Variants in PLK4 observed in about 807,000 individuals in gnomAD.
PLK4 encodes the protein polo like kinase 4.
PLK4 carries 51 observed loss-of-function variants against 103.0 expected under a neutral mutation model. The ratio of observed to expected loss-of-function variants is 0.50; its 90% CI spans 0.40 to 0.63. The LOEUF is 0.63. PLK4 is among the 20% of genes least tolerant of loss of function. PLK4 has a pLI of 0.00. For missense variants in PLK4, 1,054 were observed against 1,151.0 expected (o/e 0.92, Z 1.22); for synonymous variants, 389 against 376.8 (o/e 1.03, Z -0.38).
intron 6 of PLK4, among the ~76,000 whole-genome samples, chr4:127,889,563 A>C (rs909104969): frequency 3.3e-5 from 5 of 152,202 alleles, no homozygotes; most frequent in African/African-American, 1.2e-4. Context: ...CTTTAGGATT[A>C]ATAGGTGACC....
intron 4 of PLK4, 145 bp from the exon 5 acceptor site, chr4:127,885,563 T>G: frequency 3.2e-6 from 2 of 627,892 alleles, no homozygotes; most frequent in Non-Finnish European, 5.6e-6. Flanking sequence ...GTAATTGAAG[T>G]GGCTGGTAAA....
Position 127,895,070 on chromosome 4 carries a change from A to G in PLK4, c.2680A>G (p.Lys894Glu). 6.2e-7 allele frequency: 1 copy of G among 1,611,792 alleles called. No individual in the cohort carries two copies. Among genetic ancestry groups the G allele is most frequent in the South Asian group, 1.1e-5 (1 of 90,724 alleles). ...ACAACTTTTGAAATCTGTTTTTGTG[A>G]AAAATGTTGGTTGGGCTACACAGGT... ...SAQLLKSVFV[K>E]NVGWATQLTS... Residue 894 changes from lysine (K) to glutamate (E), a missense_variant, in exon 14 of 16, where the codon AAA becomes GAA. Physicochemically the swap from Lys to Glu is moderately conservative, Grantham distance 56 (BLOSUM62 1). Coordinates refer to ENST00000270861, the MANE Select transcript of PLK4 (RefSeq NM_014264.5).
At chr4:127,886,824 G>T (rs1456781247) in intron 5 of PLK4, 96 bp downstream of exon 5, 4 of 678,624 alleles carry the variant, frequency 5.9e-6, no homozygotes, top group South Asian at 2.5e-5. Context: ...CCAGGGAAAT[G>T]AATGTCTAAA....
chr4:127,881,155 G>C lies in PLK4; in HGVS notation c.21G>C (p.Glu7Asp), dbSNP rs767505807. ...GAAATATGGCGACCTGCATCGGGGA[G>C]AAGATCGAGGTGAAAAGACTCGGCA... MATCIGEKIEDFKVGNL... is the reference protein window; with the variant it reads MATCIGDKIEDFKVGNL... Residue 7 changes from glutamate to aspartate, a missense_variant, in exon 1 of 16, where the codon GAG becomes GAC. This residue lies in a region of PLK4 where 199 missense variants were observed against 270.1 expected (regional missense o/e 0.74). Coordinates refer to ENST00000270861, the MANE Select transcript of PLK4 (RefSeq NM_014264.5). 6.2e-7 allele frequency: 1 copy of C among 1,614,022 alleles called. No individual in the cohort carries two copies. The highest frequency in any genetic ancestry group is 1.1e-5 in the South Asian group (1 of 91,088).
chr4:127,898,393 A>C (rs1735656587), intron 15 of PLK4, 46 bp from the exon 16 acceptor site: 1 of 883,642 alleles, frequency 1.1e-6, no homozygotes. Context: ...ATGAGAACCA[A>C]GTAATTCAGT....
chr4:127,895,448 C>CCTTTTTT (rs1735526561), intron 14 of PLK4, among the ~76,000 whole-genome samples: 1 of 75,282 alleles, frequency 1.3e-5, no homozygotes, highest in Non-Finnish European at 2.5e-5. Flanking sequence ...AGTAGAGTAA[C>CCTTTTTT]TTTCTTTTTT....
chr4:127,893,623 T>TA lies in PLK4; in HGVS notation c.2414+22dup. ...TAGGAAGGTAAATGTCTGAAAATTT[T>TA]AAACATATGGCTAAAATGTTTTAAA... On this transcript the variant is annotated intron_variant, in intron 12 of 15. Transcript: ENST00000270861. The TA allele has an allele frequency of 6.3e-7, 1 of 1,591,822 alleles. No homozygotes were observed. The highest frequency in any genetic ancestry group is 1.1e-5 in the South Asian group (1 of 88,098).
At chr4:127,898,125 C>T (rs1286087737) in intron 15 of PLK4, among the ~76,000 whole-genome samples, 2 of 152,144 alleles carry the variant, frequency 1.3e-5, no homozygotes, top group East Asian at 1.9e-4. Flanking sequence ...CATTAACCAC[C>T]GCGCCTGTCC....
chr4:127,883,485 A>G lies in PLK4; in HGVS notation c.269A>G (p.Glu90Gly), dbSNP rs1429799907. ...EDSNYVYLVLEMCHNGEMNRY... is the reference protein window; with the variant it reads ...EDSNYVYLVLGMCHNGEMNRY... ...AGCAATTATGTGTATCTGGTATTAG[A>G]AATGTGCCATAATGGAGAAATGAAC... The change falls in exon 4 of 16, where the codon GAA becomes GGA. Residue 90 changes from glutamate (E) to glycine (G), a missense_variant. Coordinates refer to ENST00000270861, the MANE Select transcript of PLK4 (RefSeq NM_014264.5). 6.4e-7 allele frequency: 1 copy of G among 1,552,058 alleles called. No individual in the cohort carries two copies. Among genetic ancestry groups the G allele is most frequent in the East Asian group, 2.2e-5 (1 of 44,460 alleles).
rs773168490 is a variant in PLK4 at position 127,883,274 on chromosome 4, G to A, written c.139G>A (p.Ala47Thr). Reference protein sequence around the residue: ...EVAIKMIDKKAMYKAGMVQRV... With the variant: ...EVAIKMIDKKTMYKAGMVQRV... ...CTGTTATTTTTAGATAGATAAGAAAGCCATGTACAAAGCAGGAATGGTACA... is the reference window on the plus strand; with the variant it reads ...CTGTTATTTTTAGATAGATAAGAAAACCATGTACAAAGCAGGAATGGTACA... Residue 47 changes from alanine to threonine, a missense_variant, in exon 3 of 16, where the codon GCC becomes ACC. By Grantham distance (58) the Ala-to-Thr change is moderately conservative (BLOSUM62 0). Around this residue, in one of 4 missense-constraint regions of PLK4, gnomAD observed 199 missense variants for 270.1 expected, o/e 0.74. Transcript: ENST00000270861. 2 of 1,559,982 alleles carry A rather than the reference G, an allele frequency of 1.3e-6. No homozygotes were observed. Among genetic ancestry groups the A allele is most frequent in the East Asian group, 4.5e-5 (2 of 44,504 alleles).
At chr4:127,887,814 G>A (rs1232001399) in intron 6 of PLK4, among the ~76,000 whole-genome samples, 6 of 146,742 alleles carry the variant, frequency 4.1e-5, no homozygotes, top group South Asian at 2.2e-4. Flanking sequence ...GTTCAAGGCC[G>A]CAGTGAGCTA....
Position 127,885,725 on chromosome 4 carries a change from C to G in PLK4, c.355C>G (p.Gln119Glu). Reference protein sequence around the residue: ...SENEARHFMHQIITGMLYLHS... With the variant: ...SENEARHFMHEIITGMLYLHS... ...CCTAACAGCTCGACACTTCATGCACCAGATCATCACAGGGATGTTGTATCT... is the reference window on the plus strand; with the variant it reads ...CCTAACAGCTCGACACTTCATGCACGAGATCATCACAGGGATGTTGTATCT... The change falls in exon 5 of 16, where the codon CAG becomes GAG. Residue 119 changes from glutamine to glutamate, a missense_variant. By Grantham distance (29) the Gln-to-Glu change is conservative. This residue lies in a region of PLK4 where 199 missense variants were observed against 270.1 expected (regional missense o/e 0.74). Coordinates refer to ENST00000270861, the MANE Select transcript of PLK4 (RefSeq NM_014264.5). 5 of 1,609,852 alleles carry G rather than the reference C, an allele frequency of 3.1e-6. No individual in the cohort carries two copies. Among genetic ancestry groups the G allele is most frequent in the Non-Finnish European group, 4.2e-6 (5 of 1,177,808 alleles).
chr4:127,881,959 C>A, intron 2 of PLK4, 33 bp downstream of exon 2: 2 of 1,153,402 alleles, frequency 1.7e-6, no homozygotes, highest in Non-Finnish European at 2.6e-6. Flanking sequence ...CTCTCCTGTA[C>A]TTTGCAAGTA....
intron 2 of PLK4, among the ~76,000 whole-genome samples, chr4:127,882,634 C>CT (rs1734972855): frequency 6.6e-6 from 1 of 152,136 alleles, no homozygotes; most frequent in African/African-American, 2.4e-5. Context: ...TGCTGCACAC[C>CT]TGTAATCCCA....
intron 14 of PLK4, among the ~76,000 whole-genome samples, chr4:127,895,448 C>CTTT (rs1450219933): frequency 4.0e-5 from 3 of 75,278 alleles, no homozygotes; most frequent in African/African-American, 6.1e-5. Flanking sequence ...AGTAGAGTAA[C>CTTT]TTTCTTTTTT....
At chr4:127,895,587 A>G (rs1282391525) in intron 14 of PLK4, among the ~76,000 whole-genome samples, 1 of 149,414 alleles carries the variant, frequency 6.7e-6, no homozygotes, top group Non-Finnish European at 1.5e-5. Flanking sequence ...AAGCCGGGCT[A>G]ATTTTTTCTA....
rs1735010467 is a variant in PLK4, at chr4:127,883,536, C to A, written c.320C>A (p.Pro107His). Residue 107 changes from proline (P) to histidine (H), a missense_variant, in exon 4 of 16, where the codon CCC becomes CAC. This residue lies in a region of PLK4 where 199 missense variants were observed against 270.1 expected (regional missense o/e 0.74). Coordinates refer to ENST00000270861, the MANE Select transcript of PLK4 (RefSeq NM_014264.5). ...MNRYLKNRVK[P>H]FSENEARHFM... ...AGGTATCTAAAGAATAGAGTGAAAC[C>A]CTTCTCAGAAAATGAAGGTAGGTGT... 3.4e-6 allele frequency: 5 copies of A among 1,487,666 alleles called. No individual in the cohort carries two copies. Among genetic ancestry groups the A allele is most frequent in the Non-Finnish European group, 4.7e-6 (5 of 1,072,804 alleles). The allele number at this position is 1,487,666 out of a possible 1,614,324, so 92.2% of individuals were successfully genotyped here.
intron 1 of PLK4, chr4:127,881,461 C>A: frequency 8.5e-7 from 1 of 1,173,600 alleles, no homozygotes; most frequent in Non-Finnish European, 1.1e-6. Context: ...CAGGGCAGGG[C>A]TACCTCCCAC....
At chr4:127,894,871 A>T in intron 13 of PLK4, 82 bp from the exon 14 acceptor site, 2 of 892,536 alleles carry the variant, frequency 2.2e-6, no homozygotes, top group Non-Finnish European at 3.2e-6. Flanking sequence ...CTAATGAAAA[A>T]TCTCATAATT....
Sources: allele counts gnomAD v4.1 joint callset (sites outside exome capture counted in the v4.1 genomes callset), GRCh38; gene constraint gnomAD v4.1.1; regional missense constraint gnomAD v4.1.1; transcripts MANE v1.5; gene names NCBI Gene and HGNC (gene_info 2026-07-23, HGNC 2026-07-21).